Variants in CHRNA7 observed in about 807,000 individuals in gnomAD.
CHRNA7 encodes neuronal acetylcholine receptor subunit alpha-7.
Under a neutral mutation model 48.0 loss-of-function variants are expected in CHRNA7, and 17 were observed. The observed-to-expected ratio is 0.35, with a 90% confidence interval of 0.24 to 0.53. CHRNA7 has a LOEUF of 0.53. Among genes scored for constraint, CHRNA7 ranks in the 20% least tolerant of loss-of-function variants. The pLI is 0.92. For missense variants in CHRNA7, 155 were observed against 577.7 expected, an observed-to-expected ratio of 0.27 and a Z score of 7.50; for synonymous variants, 75 against 242.3, an observed-to-expected ratio of 0.31 and a Z score of 6.41.
intron 2 of CHRNA7, among the ~76,000 whole-genome samples, chr15:32,067,954 G>C (rs190764060): frequency 2.0e-5 from 3 of 152,274 alleles, no homozygotes; most frequent in African/African-American, 7.2e-5. Context: ...TTAGAAGGCA[G>C]TAGGGAAGGA....
chr15:32,081,140 G>C (rs1334891842), intron 2 of CHRNA7, among the ~76,000 whole-genome samples: 2 of 152,176 alleles, frequency 1.3e-5, no homozygotes, highest in Non-Finnish European at 2.9e-5. Context: ...GGCCTGTCGG[G>C]TGGGGTCCTG....
intron 4 of CHRNA7, among the ~76,000 whole-genome samples, chr15:32,138,480 A>G (rs1235298220): frequency 1.4e-5 from 2 of 144,936 alleles, no homozygotes; most frequent in Non-Finnish European, 3.0e-5. Flanking sequence ...CATCATCAAC[A>G]TCCCCCACCA....
Position 32,030,952 on chromosome 15 carries a change from A to G in CHRNA7, c.110A>G (p.Tyr37Cys), listed in dbSNP as rs960632884. The G allele has an allele frequency of 3.7e-6, 6 of 1,614,070 alleles. No individual in the cohort carries two copies. The African/African-American group carries it at 8.0e-5, about 22-fold the overall frequency. ...CTTTACAAGGAGCTGGTCAAGAACT[A>G]CAATCCCTTGGAGAGGCCCGTGGCC... The part of the protein sequence containing the change: ...RKLYKELVKN[Y>C]NPLERPVAND... The change falls in exon 2 of 10, where the codon TAC (tyrosine) becomes TGC (cysteine). Residue 37 changes from tyrosine (Y) to cysteine (C), a missense_variant. Tyr to Cys is a radical substitution (Grantham distance 194, BLOSUM62 -2). Transcript: ENST00000306901.
rs71113441 is a variant in CHRNA7 at position 32,070,669 on chromosome 15, C to CTTTTTTT, written c.196-30605_196-30599dup. On this transcript the variant is annotated intron_variant, in intron 2 of 9. Transcript: ENST00000306901. The stretch of plus-strand genomic sequence containing the variant: ...TGTGTGAACATGTGAGGTTTAGTTC[C>CTTTTTTT]TTTTTTTTTTTTTTTTTTTTTTTTT... Among the ~76,000 whole-genome samples, 42 of 40,892 alleles carry CTTTTTTT rather than the reference C, an allele frequency of 1.0e-3. 8 individuals are homozygous for CTTTTTTT. The highest frequency in any genetic ancestry group is 2.1e-3 in the African/African-American group (23 of 10,772). The allele number at this position is 40,892 out of a possible 152,430, so 26.8% of individuals were successfully genotyped here. A position where few individuals can be genotyped will look rare whatever the true frequency, so the allele number is the denominator to read the frequency against.
At position 32,030,646 on chromosome 15, in the gene CHRNA7, C is replaced by T; in HGVS notation, c.52C>T (p.His18Tyr). 2 of 1,577,620 alleles carry T rather than the reference C, an allele frequency of 1.3e-6. No individual in the cohort carries two copies. Among genetic ancestry groups the T allele is most frequent in the Non-Finnish European group, 8.6e-7 (1 of 1,166,060 alleles). ...GCTGGCGCTGGCCGCGTCGCTCCTG[C>T]ACGGTAAAGCCACTGCCTCCCCGCC... is the stretch of plus-strand genomic sequence containing the variant. ...VWLALAASLL[H>Y]VSLQGEFQRK... Residue 18 changes from histidine (H) to tyrosine (Y), a missense_variant, in exon 1 of 10, where the codon CAC (histidine) becomes TAC (tyrosine). His to Tyr is a moderately conservative substitution (Grantham distance 83, BLOSUM62 2). Transcript: ENST00000306901.
At chr15:32,087,021 GC>G (rs1457486569) in intron 2 of CHRNA7, among the ~76,000 whole-genome samples, 10 of 152,170 alleles carry the variant, frequency 6.6e-5, no homozygotes, top group Admixed American at 2.0e-4. Context: ...ACTATGCACA[GC>G]CCAGGAAGTC....
intron 5 of CHRNA7, chr15:32,156,468 T>G (rs2051741434): frequency 2.0e-5 from 1 of 49,884 alleles, no homozygotes; most frequent in East Asian, 4.1e-4. Context: ...TTTCTGTAAC[T>G]CAGTAACAGA....
chr15:32,146,004 G>A (rs552962388), intron 4 of CHRNA7, among the ~76,000 whole-genome samples: 2 of 152,326 alleles, frequency 1.3e-5, no homozygotes, highest in South Asian at 2.1e-4. Context: ...CGTTGATCTC[G>A]TTTGGAGCTG....
chr15:32,035,635 A>G (rs1566791890), intron 2 of CHRNA7, among the ~76,000 whole-genome samples: 1 of 152,194 alleles, frequency 6.6e-6, no homozygotes, highest in East Asian at 1.9e-4. Context: ...GGTTTGCAAT[A>G]TGTATGATTT....
chr15:32,046,615 G>A (rs1028547482), intron 2 of CHRNA7, among the ~76,000 whole-genome samples: 6 of 151,972 alleles, frequency 3.9e-5, no homozygotes, highest in Non-Finnish European at 5.9e-5. Flanking sequence ...CCCATTTTGT[G>A]GGTTGCCTGT....
At position 32,062,505 on chromosome 15, in the gene CHRNA7, A is replaced by G. The variant is rs551125973; in HGVS notation, c.195+31468A>G. 3.0e-3 allele frequency among the ~76,000 whole-genome samples: 457 copies of G among 152,160 alleles called. 1 individual carries two copies. The highest frequency in any genetic ancestry group is 0.01 in the African/African-American group (421 of 41,514). ...AGTAGACCTGTAATTTTCTCTCCCC[A>G]TGTTCAGACACGTGGATCTGTGTCT... On this transcript the variant is annotated intron_variant, in intron 2 of 9. Coordinates refer to ENST00000306901, the MANE Select transcript of CHRNA7 (RefSeq NM_000746.6).
chr15:32,043,419 T>G (rs886813695), intron 2 of CHRNA7, among the ~76,000 whole-genome samples: 1 of 152,178 alleles, frequency 6.6e-6, no homozygotes, highest in African/African-American at 2.4e-5. Context: ...CCCTTGTCTC[T>G]TCTATGTTCT....
chr15:32,044,138 A>G (rs189396000), intron 2 of CHRNA7, among the ~76,000 whole-genome samples: 1 of 152,294 alleles, frequency 6.6e-6, no homozygotes, highest in African/African-American at 2.4e-5. Context: ...TATGATAAGA[A>G]TATGTTTCTG....
At chr15:32,126,004 T>C (rs1198616060) in intron 4 of CHRNA7, among the ~76,000 whole-genome samples, 2 of 123,850 alleles carry the variant, frequency 1.6e-5, no homozygotes, top group African/African-American at 7.2e-5. Flanking sequence ...CATTGGTAGC[T>C]GATAGCAAAA....
At chr15:32,058,931 GAA>G (rs1442799601) in intron 2 of CHRNA7, among the ~76,000 whole-genome samples, 1 of 152,164 alleles carries the variant, frequency 6.6e-6, no homozygotes, top group African/African-American at 2.4e-5. Flanking sequence ...ATGATCATGT[GAA>G]ATGGTGTTCT....
intron 2 of CHRNA7, among the ~76,000 whole-genome samples, chr15:32,096,912 C>CT: frequency 6.6e-6 from 1 of 152,314 alleles, no homozygotes; most frequent in East Asian, 1.9e-4. Flanking sequence ...CCTTGCCACA[C>CT]CGGCCTTCTG....
chr15:32,094,923 C>G (rs2050442259), intron 2 of CHRNA7, among the ~76,000 whole-genome samples: 1 of 152,338 alleles, frequency 6.6e-6, no homozygotes, highest in South Asian at 2.1e-4. Flanking sequence ...GCTGGAATTA[C>G]AGGCGTGAGC....
chr15:32,062,955 A>G (rs573477720), intron 2 of CHRNA7, among the ~76,000 whole-genome samples: 5 of 152,378 alleles, frequency 3.3e-5, no homozygotes, highest in East Asian at 3.9e-4. Context: ...TTCCTAGGCT[A>G]TAAACCTGTA....
At position 32,145,758 on chromosome 15, in the gene CHRNA7, G is replaced by A. The variant is rs142952825; in HGVS notation, c.351-8149G>A. 1.4e-3 allele frequency among the ~76,000 whole-genome samples: 212 copies of A among 152,330 alleles called. 1 individual carries two copies. The highest frequency in any genetic ancestry group is 1.7e-3 in the Admixed American group (26 of 15,298). ...ACAGGAGGGAATCTCCTGGTCTGCTGATCGCTAAGACCGTTGAAAAGTGCA... is the reference window on the plus strand; with the variant it reads ...ACAGGAGGGAATCTCCTGGTCTGCTAATCGCTAAGACCGTTGAAAAGTGCA... On this transcript the variant is annotated intron_variant, in intron 4 of 9. Coordinates refer to ENST00000306901, the MANE Select transcript of CHRNA7 (RefSeq NM_000746.6).
Sources: allele counts gnomAD v4.1 joint callset (sites outside exome capture counted in the v4.1 genomes callset), GRCh38; gene constraint gnomAD v4.1.1; transcripts MANE v1.5; gene names NCBI Gene and HGNC (gene_info 2026-07-23, HGNC 2026-07-21).